Variants in PRMT8 observed in about 807,000 individuals in gnomAD.
PRMT8 encodes protein arginine N-methyltransferase 8.
PRMT8 carries 7 observed loss-of-function variants against 47.1 expected under a neutral mutation model. That is an observed-to-expected ratio of 0.15 (90% CI 0.08 to 0.28). The LOEUF is 0.28. Among genes scored for constraint, PRMT8 ranks in the 10% least tolerant of loss-of-function variants. The pLI, the probability that PRMT8 is intolerant of heterozygous loss-of-function variation, is 1.00. For missense variants in PRMT8, 237 were observed against 505.4 expected (o/e 0.47, Z 5.09); for synonymous variants, 188 against 186.5 (o/e 1.01, Z -0.07).
At chr12:3,505,472 T>C (rs1003308405) in intron 1 of PRMT8, among the ~76,000 whole-genome samples, 5 of 152,216 alleles carry the variant, frequency 3.3e-5, no homozygotes, top group Admixed American at 2.0e-4. Flanking sequence ...AGGGTCTTTA[T>C]CATGGCTTTT....
At chr12:3,574,806 T>G (rs1866909509) in intron 6 of PRMT8, among the ~76,000 whole-genome samples, 1 of 152,206 alleles carries the variant, frequency 6.6e-6, no homozygotes, top group Non-Finnish European at 1.5e-5. Flanking sequence ...CCTTTAACCA[T>G]TACATGCATT....
At chr12:3,554,662 G>C (rs1319664274) in intron 4 of PRMT8, among the ~76,000 whole-genome samples, 1 of 152,200 alleles carries the variant, frequency 6.6e-6, no homozygotes, top group East Asian at 1.9e-4. Context: ...ACGTTCCCTT[G>C]AGGGGTCTGG....
chr12:3,542,490 C>T (rs1866249387), intron 2 of PRMT8, among the ~76,000 whole-genome samples: 1 of 152,232 alleles, frequency 6.6e-6, no homozygotes, highest in South Asian at 2.1e-4. Context: ...TTCCTCAAGA[C>T]CTTGTCCCTA....
intron 1 of PRMT8, among the ~76,000 whole-genome samples, chr12:3,458,819 G>A (rs536492465): frequency 1.6e-4 from 25 of 152,282 alleles, no homozygotes; most frequent in African/African-American, 5.8e-4. Context: ...ACTCCCTTCC[G>A]AGGGCTGTCA....
intron 1 of PRMT8, among the ~76,000 whole-genome samples, chr12:3,405,590 T>C (rs1410037634): frequency 2.6e-5 from 4 of 152,196 alleles, no homozygotes; most frequent in African/African-American, 9.7e-5. Context: ...AGGTACAGGC[T>C]TTGGGTAAAT....
At chr12:3,414,243 G>A (rs1239077809) in intron 1 of PRMT8, among the ~76,000 whole-genome samples, 2 of 152,164 alleles carry the variant, frequency 1.3e-5, no homozygotes, top group East Asian at 3.8e-4. Flanking sequence ...TGATAATATG[G>A]GAATAACAAA....
intron 1 of PRMT8, among the ~76,000 whole-genome samples, chr12:3,459,393 C>T (rs1046059856): frequency 3.9e-5 from 6 of 152,118 alleles, no homozygotes; most frequent in Non-Finnish European, 8.8e-5. Context: ...TTTCCTCGAT[C>T]GAGGGGAAGC....
chr12:3,476,505 A>G (rs2137098610), intron 1 of PRMT8, among the ~76,000 whole-genome samples: 1 of 152,266 alleles, frequency 6.6e-6, no homozygotes, highest in Middle Eastern at 3.4e-3. Flanking sequence ...CAGGTGCTCT[A>G]GGCCTTTCAA....
rs1295949371 is a variant in PRMT8 at position 3,553,740 on chromosome 12, T to C, written c.481+26T>C. The C allele has an allele frequency of 3.9e-6, 6 of 1,550,552 alleles. No homozygotes were observed. The Admixed American group carries it at 6.7e-5, about 17-fold the overall frequency. On this transcript the variant is annotated intron_variant, in intron 4 of 9. Transcript: ENST00000382622. ...GTAAGACATACCTCTGAGTGTTTTCTCCTGGATGGAGGGGACGGGAAGCTC... is the reference window on the plus strand; with the variant it reads ...GTAAGACATACCTCTGAGTGTTTTCCCCTGGATGGAGGGGACGGGAAGCTC...
intron 1 of PRMT8, among the ~76,000 whole-genome samples, chr12:3,449,224 A>G (rs534584702): frequency 6.6e-6 from 1 of 152,298 alleles, no homozygotes; most frequent in East Asian, 1.9e-4. Flanking sequence ...TTATAATAGA[A>G]TGATTTATAT....
chr12:3,586,584 TG>T (rs1867179329), intron 8 of PRMT8, among the ~76,000 whole-genome samples: 1 of 152,202 alleles, frequency 6.6e-6, no homozygotes. Flanking sequence ...CAGTATCACC[TG>T]GGAAATTGTT....
At chr12:3,424,981 G>T (rs958047854) in intron 1 of PRMT8, among the ~76,000 whole-genome samples, 1 of 152,202 alleles carries the variant, frequency 6.6e-6, no homozygotes, top group African/African-American at 2.4e-5. Flanking sequence ...GAGTCACTTT[G>T]CAAGGGTTGG....
At chr12:3,489,573 T>C (rs1031306145), upstream of PRMT8, among the ~76,000 whole-genome samples, 1 of 152,160 alleles carries the variant, frequency 6.6e-6, no homozygotes, top group Non-Finnish European at 1.5e-5. Flanking sequence ...ATTAGATGTC[T>C]CTCAGAATCT....
At chr12:3,520,748 C>T (rs1264495048) in intron 1 of PRMT8, among the ~76,000 whole-genome samples, 1 of 152,200 alleles carries the variant, frequency 6.6e-6, no homozygotes, top group Non-Finnish European at 1.5e-5. Context: ...ATTATATGCT[C>T]TTAGCCAGGC....
rs768169610 is a variant in PRMT8 at position 3,517,187 on chromosome 12, G to A, written c.76-23419G>A. 6.4e-4 allele frequency among the ~76,000 whole-genome samples: 98 copies of A among 152,310 alleles called. 1 individual carries two copies. The Middle Eastern group carries it at 0.014, about 21-fold the overall frequency. ...TGTTGAAACTGTTCTGGGTGTGCCC[G>A]CTCATCAGACACCCGATCTTGTAAA... On this transcript the variant is annotated intron_variant, in intron 1 of 9. Coordinates refer to ENST00000382622, the MANE Select transcript of PRMT8 (RefSeq NM_019854.5).
chr12:3,466,769 A>G (rs1344950219), intron 1 of PRMT8, among the ~76,000 whole-genome samples: 2 of 152,194 alleles, frequency 1.3e-5, no homozygotes, highest in Non-Finnish European at 2.9e-5. Context: ...AAACAAAGGA[A>G]AAAGTTTGTT....
At chr12:3,542,612 C>A (rs1376206400) in intron 2 of PRMT8, among the ~76,000 whole-genome samples, 2 of 152,226 alleles carry the variant, frequency 1.3e-5, no homozygotes, top group African/African-American at 4.8e-5. Context: ...CCCAAAATGT[C>A]TCCTCTTGGG....
chr12:3,575,656 C>G (rs767280950), intron 6 of PRMT8, among the ~76,000 whole-genome samples: 16 of 152,326 alleles, frequency 1.1e-4, no homozygotes, highest in Non-Finnish European at 2.1e-4. Flanking sequence ...TGCAGCATAG[C>G]AATATCCTCA....
At chr12:3,434,538 C>T (rs1325164067) in intron 1 of PRMT8, among the ~76,000 whole-genome samples, 4 of 152,294 alleles carry the variant, frequency 2.6e-5, no homozygotes, top group Middle Eastern at 3.4e-3. Context: ...AATGGCACAG[C>T]GTCCAGATCC....
Sources: allele counts gnomAD v4.1 joint callset (sites outside exome capture counted in the v4.1 genomes callset), GRCh38; gene constraint gnomAD v4.1.1; transcripts MANE v1.5; gene names NCBI Gene and HGNC (gene_info 2026-07-23, HGNC 2026-07-21).